PTPRF: variants seen among roughly 807,000 people sequenced by gnomAD.
The protein encoded by PTPRF is protein tyrosine phosphatase receptor type F.
In PTPRF, 59 loss-of-function variants were observed where a neutral mutation model predicts 201.8. That is an observed-to-expected ratio of 0.29 (90% CI 0.24 to 0.36). The LOEUF (loss-of-function observed/expected upper bound fraction) is 0.36, where lower values mean the gene tolerates loss of function less well. Ranked by LOEUF, PTPRF falls within the 10% of genes least tolerant of loss-of-function variation. The pLI, the probability that PTPRF is intolerant of heterozygous loss-of-function variation, is 1.00. For missense variants in PTPRF, 2,132 were observed against 2,690.5 expected, an observed-to-expected ratio of 0.79 and a Z score of 4.59; for synonymous variants, 1,088 against 1,089.7, an observed-to-expected ratio of 1.00 and a Z score of 0.03.
intron 21 of PTPRF, among the ~76,000 whole-genome samples, chr1:43,608,199 C>A (rs938563381): frequency 6.6e-6 from 1 of 152,220 alleles, no homozygotes; most frequent in African/African-American, 2.4e-5. Flanking sequence ...GACCCCCTCC[C>A]TGTGAATGTC....
rs535998663 is a variant in PTPRF at position 43,562,010 on chromosome 1, C to CA, written c.380-7579dup. Among the ~76,000 whole-genome samples the CA allele has an allele frequency of 9.8e-5, 15 of 152,362 alleles. No individual in the cohort carries two copies. In the East Asian group the frequency reaches 2.9e-3, roughly 29 times the overall value. On this transcript the variant is annotated intron_variant, in intron 5 of 33. Transcript: ENST00000359947. ...GAGCCAATGGCTCTGGGAACAGGCT[C>CA]ACCAGGATGGCGGTTTAAATGCCCA...
intron 5 of PTPRF, among the ~76,000 whole-genome samples, chr1:43,559,453 T>C (rs1186569585): frequency 6.6e-6 from 1 of 151,926 alleles, no homozygotes; most frequent in Non-Finnish European, 1.5e-5. Context: ...GTAGGCAGTG[T>C]GTGTGTGTGT....
chr1:43,620,647 T>C, intron 31 of PTPRF, 68 bp downstream of exon 31: 1 of 1,582,292 alleles, frequency 6.3e-7, no homozygotes, highest in Non-Finnish European at 8.6e-7. Flanking sequence ...GCTGCCTGCA[T>C]GGTACCTTAG....
chr1:43,610,059 C>T (rs1656080665), intron 22 of PTPRF, among the ~76,000 whole-genome samples: 1 of 152,206 alleles, frequency 6.6e-6, no homozygotes. Flanking sequence ...AGACACAGCT[C>T]AGACCTCTCC....
rs141505475 is a variant in PTPRF, at chr1:43,619,095, C to T, written c.4539C>T (p.Ala1513=). Residue 1513 remains alanine (A), a synonymous_variant, in exon 27 of 34, where the codon GCC becomes GCT. Transcript: ENST00000359947. The part of the protein sequence containing the change: ...KRELRQFQFM[A]WPDHGVPEYP... ...AGCTGCGTCAGTTTCAGTTCATGGC[C>T]TGGCCAGACCATGGAGTTCCTGAGT... 3.9e-4 allele frequency: 633 copies of T among 1,613,828 alleles called. 2 individuals are homozygous for T. In the African/African-American group the frequency reaches 7.5e-3, roughly 19 times the overall value.
intron 3 of PTPRF, among the ~76,000 whole-genome samples, chr1:43,549,977 G>C (rs1287204771): frequency 6.6e-6 from 1 of 152,204 alleles, no homozygotes; most frequent in African/African-American, 2.4e-5. Context: ...GGTGCGGTTA[G>C]ATCTGTGCTC....
rs763500218 is a variant in PTPRF at position 43,604,112 on chromosome 1, A to G, written c.2960A>G (p.Lys987Arg). 8.7e-6 allele frequency: 14 copies of G among 1,614,090 alleles called. No individual in the cohort carries two copies. Among genetic ancestry groups the G allele is most frequent in the Non-Finnish European group, 7.6e-6 (9 of 1,180,050 alleles). ...AAGCCAGACACCACTTACGACATCAAGGTCCGCGCATGGACCAGCAAAGGC... is the reference window on the plus strand; with the variant it reads ...AAGCCAGACACCACTTACGACATCAGGGTCCGCGCATGGACCAGCAAAGGC... Reference protein sequence around the residue: ...GLKPDTTYDIKVRAWTSKGSG... With the variant: ...GLKPDTTYDIRVRAWTSKGSG... Residue 987 changes from lysine to arginine, a missense_variant, in exon 16 of 34, where the codon AAG (lysine) becomes AGG (arginine). Physicochemically the swap from Lys to Arg is conservative, Grantham distance 26 (BLOSUM62 2). This residue lies in a region of PTPRF where 818 missense variants were observed against 915.3 expected (regional missense o/e 0.89). Transcript: ENST00000359947.
chr1:43,553,391 C>G lies in PTPRF; in HGVS notation c.92-101C>G, dbSNP rs1333612984. 7.5e-7 allele frequency: 1 copy of G among 1,337,776 alleles called. No homozygotes were observed. Among genetic ancestry groups the G allele is most frequent in the African/African-American group, 1.5e-5 (1 of 67,954 alleles). The allele number at this position is 1,337,776 out of a possible 1,614,324, so 82.9% of individuals were successfully genotyped here. ...CATAAAGGTGAGGTGTCCTTGTTTT[C>G]TTTGTAGGTCTTTCTCTCTGCCCCC... On this transcript the variant is annotated intron_variant, in intron 3 of 33. Coordinates refer to ENST00000359947, the MANE Select transcript of PTPRF (RefSeq NM_002840.5). This position sits in a 1 kb window ranked among gnomAD's most constrained non-coding sequence, Gnocchi z 4.1.
intron 2 of PTPRF, 42 bp downstream of exon 2, chr1:43,538,319 G>A: frequency 2.5e-6 from 1 of 398,874 alleles, no homozygotes; most frequent in East Asian, 3.6e-5. Flanking sequence ...GGGGTGCACA[G>A]GGGTCCTATG....
In PTPRF at chr1:43,569,572, A is replaced by G. The variant is rs777041507; in HGVS notation, c.380-18A>G. On this transcript the variant is annotated intron_variant, in intron 5 of 33. Coordinates refer to ENST00000359947, the MANE Select transcript of PTPRF (RefSeq NM_002840.5). ...AGGCAGAGCCAGCCCTAATACACAC[A>G]TTGCTGTTTGTCTGCAGAGGAACAG... The G allele has an allele frequency of 1.3e-6, 2 of 1,587,634 alleles. No homozygotes were observed. The highest frequency in any genetic ancestry group is 1.7e-5 in the Admixed American group (1 of 58,342).
rs531312338 is a variant in PTPRF at position 43,559,450 on chromosome 1, G to A, written c.379+5509G>A. 2.0e-5 allele frequency among the ~76,000 whole-genome samples: 3 copies of A among 152,030 alleles called. No individual in the cohort carries two copies. The East Asian group carries it at 5.8e-4, about 29-fold the overall frequency. On this transcript the variant is annotated intron_variant, in intron 5 of 33. Transcript: ENST00000359947. ...TCAGGCAGTGTGTGGGCAGTAGGCA[G>A]TGTGTGTGTGTGTTATCAGGCAGTA...
At chr1:43,535,066 C>G (rs1643920729) in intron 1 of PTPRF, among the ~76,000 whole-genome samples, 1 of 152,158 alleles carries the variant, frequency 6.6e-6, no homozygotes, top group African/African-American at 2.4e-5. Context: ...AACCCACCCT[C>G]CCATCAGGGG....
chr1:43,618,717 A>G lies in PTPRF; in HGVS notation c.4459A>G (p.Thr1487Ala). 1.2e-6 allele frequency: 2 copies of G among 1,611,140 alleles called. No individual in the cohort carries two copies. Among genetic ancestry groups the G allele is most frequent in the Non-Finnish European group, 1.7e-6 (2 of 1,177,620 alleles). ...CCTGTTGGACACAGTGGAGCTGGCC[A>G]CATACACTGTGCGCACCTTCGCACT... Reference protein sequence around the residue: ...VTLLDTVELATYTVRTFALHK... With the variant: ...VTLLDTVELAAYTVRTFALHK... Residue 1487 changes from threonine to alanine, a missense_variant, in exon 26 of 34, where the codon ACA becomes GCA. This residue lies in a region of PTPRF where 519 missense variants were observed against 659.5 expected (regional missense o/e 0.79). Coordinates refer to ENST00000359947, the MANE Select transcript of PTPRF (RefSeq NM_002840.5).
Position 43,602,061 on chromosome 1 carries a change from C to T in PTPRF, c.2314-10C>T, listed in dbSNP as rs1007242306. The T allele has an allele frequency of 2.5e-6, 4 of 1,612,520 alleles. No homozygotes were observed. Among genetic ancestry groups the T allele is most frequent in the African/African-American group, 2.7e-5 (2 of 74,908 alleles). ...TCCTGTCTCCCTTTCTCTCCCTCTC[C>T]CGCGGTCAGTGGCGGCCAGAGGAGT... is the stretch of plus-strand genomic sequence containing the variant. On this transcript the variant is annotated splice_polypyrimidine_tract_variant and intron_variant, in intron 13 of 33. Coordinates refer to ENST00000359947, the MANE Select transcript of PTPRF (RefSeq NM_002840.5).
chr1:43,620,886 G>C lies in PTPRF; in HGVS notation c.5413G>C (p.Glu1805Gln). 6.2e-7 allele frequency: 1 copy of C among 1,614,192 alleles called. No homozygotes were observed. Among genetic ancestry groups the C allele is most frequent in the Non-Finnish European group, 8.5e-7 (1 of 1,179,996 alleles). The change falls in exon 32 of 34, where the codon GAG (glutamate) becomes CAG (glutamine). Residue 1805 changes from glutamate (E) to glutamine (Q), a missense_variant. Transcript: ENST00000359947. ...GCAGTTCCAGTTCACAGACTGGCCA[G>C]AGCAGGGCGTGCCCAAGACAGGCGA... ...IRQFQFTDWP[E>Q]QGVPKTGEGF...
At chr1:43,565,496 G>A (rs1012294607) in intron 5 of PTPRF, among the ~76,000 whole-genome samples, 1 of 152,240 alleles carries the variant, frequency 6.6e-6, no homozygotes, top group Non-Finnish European at 1.5e-5. Flanking sequence ...CTATGCATGC[G>A]GGTAGAATCC....
At position 43,588,810 on chromosome 1, in the gene PTPRF, C is replaced by T. The variant is rs1010941893; in HGVS notation, c.759C>T (p.Cys253=). The change falls in exon 8 of 34, where the codon TGC becomes TGT. Residue 253 remains cysteine, a synonymous_variant. Coordinates refer to ENST00000359947, the MANE Select transcript of PTPRF (RefSeq NM_002840.5). This position sits in a 1 kb window ranked among gnomAD's most constrained non-coding sequence, Gnocchi z 5.3. ...CAGGCGGCAGCGTGAACCTGACATG[C>T]GTGGCAGTGGGTGCACCCATGCCCT... ...VMPGGSVNLT[C]VAVGAPMPYV... 3.7e-6 allele frequency: 6 copies of T among 1,614,066 alleles called. No homozygotes were observed. The highest frequency in any genetic ancestry group is 3.3e-5 in the Admixed American group (2 of 60,016).
At position 43,588,665 on chromosome 1, in the gene PTPRF, C is replaced by T; in HGVS notation, c.680-66C>T. The T allele has an allele frequency of 6.3e-7, 1 of 1,579,184 alleles. No individual in the cohort carries two copies. Among genetic ancestry groups the T allele is most frequent in the African/African-American group, 1.3e-5 (1 of 74,500 alleles). Reference sequence around the variant, plus strand: ...CAGAGGGGCTTCCTGAATGAGGGGCCCCTGCCCTTCCATGCAGTCGTGTGT... The same window carrying T: ...CAGAGGGGCTTCCTGAATGAGGGGCTCCTGCCCTTCCATGCAGTCGTGTGT... On this transcript the variant is annotated intron_variant, in intron 7 of 33. Transcript: ENST00000359947. The surrounding 1 kb of genome is among the most constrained non-coding windows in gnomAD (Gnocchi z 5.3).
At chr1:43,618,154 G>A (rs1453712645) in intron 25 of PTPRF, among the ~76,000 whole-genome samples, 6 of 152,082 alleles carry the variant, frequency 3.9e-5, no homozygotes, top group African/African-American at 7.2e-5. Context: ...TGTCATTTTC[G>A]GAGAATGTTA....
Sources: gnomAD v4.1 joint callset for allele counts (sites outside exome capture counted in the v4.1 genomes callset) on GRCh38, gnomAD v4.1.1 for gene constraint, gnomAD v4.1.1 regional missense constraint, Gnocchi (gnomAD v3.1) non-coding constraint, MANE v1.5 for transcripts, NCBI Gene and HGNC (gene_info 2026-07-23, HGNC 2026-07-21) for gene names.